Variants in TMBIM1 observed in about 807,000 individuals in gnomAD.
TMBIM1 encodes the protein protein lifeguard 3.
A neutral mutation model predicts 45.1 loss-of-function variants in TMBIM1; 34 were observed. The ratio of observed to expected loss-of-function variants is 0.75; its 90% CI spans 0.57 to 1.00. The LOEUF is 1.00. Among genes scored for constraint, TMBIM1 ranks in the 50% least tolerant of loss-of-function variants. TMBIM1 has a pLI of 0.00. For missense variants in TMBIM1, 374 were observed against 402.4 expected (o/e 0.93, Z 0.60); for synonymous variants, 157 against 153.5 (o/e 1.02, Z -0.17).
chr2:218,285,424 T>C (rs1377927179), intron 1 of TMBIM1, among the ~76,000 whole-genome samples: 1 of 152,170 alleles, frequency 6.6e-6, no homozygotes, highest in Non-Finnish European at 1.5e-5. Flanking sequence ...TCTCATGGGT[T>C]TTAGCCTCAA....
Position 218,277,005 on chromosome 2 carries a change from T to G in TMBIM1, c.734A>C (p.Tyr245Ser). ...CCCCAGCTCTCCTGGGACACTCACGTATTGGAAGTAGAGCACAATGCTAGT... is the reference window on the plus strand; with the variant it reads ...CCCCAGCTCTCCTGGGACACTCACGGATTGGAAGTAGAGCACAATGCTAGT... ...IVTSIVLYFQ[Y>S]VYWLHMLYAA... The change falls in exon 10 of 12, where the codon TAC (tyrosine) becomes TCC (serine). Residue 245 changes from tyrosine (Y) to serine (S), a missense_variant and splice_region_variant. Coordinates refer to ENST00000258412, the MANE Select transcript of TMBIM1 (RefSeq NM_022152.6). 6.2e-7 allele frequency: 1 copy of G among 1,613,358 alleles called. No homozygotes were observed. The highest frequency in any genetic ancestry group is 1.7e-5 in the Admixed American group (1 of 59,988).
At position 218,278,506 on chromosome 2, in the gene TMBIM1, G is replaced by A. The variant is rs2292551; in HGVS notation, c.473+9C>T. 0.39 allele frequency: 629,348 copies of A among 1,612,910 alleles called. 124,447 individuals carry two copies. Among genetic ancestry groups the A allele is most frequent in the Middle Eastern group, 0.49 (2,972 of 6,058 alleles). On this transcript the variant is annotated intron_variant, in intron 6 of 11. Transcript: ENST00000258412. ...ACCCCTCTCACTGTGTTAAGTCTCT[G>A]GGACTCACCTGGGTCCCTGGCAGCA...
chr2:218,288,477 G>C lies in TMBIM1; in HGVS notation c.-41+3989C>G, dbSNP rs988407017. On this transcript the variant is annotated intron_variant, in intron 1 of 11. Coordinates refer to ENST00000258412, the MANE Select transcript of TMBIM1 (RefSeq NM_022152.6). ...TAGGGAAGGAAGGGAACCACTTAGA[G>C]TAGTTGAACCACTTCCAGTACTTAC... Among the ~76,000 whole-genome samples, 5 of 152,174 alleles carry C rather than the reference G, an allele frequency of 3.3e-5. No homozygotes were observed. The East Asian group carries it at 7.7e-4, about 23-fold the overall frequency.
rs545379113 is a variant in TMBIM1 at position 218,279,425 on chromosome 2, A to G, written c.304-72T>C. 2.8e-5 allele frequency: 40 copies of G among 1,415,154 alleles called. No homozygotes were observed. The East Asian group carries it at 9.5e-4, about 34-fold the overall frequency. The allele number at this position is 1,415,154 out of a possible 1,614,324, so 87.7% of individuals were successfully genotyped here. On this transcript the variant is annotated intron_variant, in intron 3 of 11. Coordinates refer to ENST00000258412, the MANE Select transcript of TMBIM1 (RefSeq NM_022152.6). ...CTGCCCCAGGAAGCTGCCAGCCCCC[A>G]GTACTTTCCTCCCACTCAAGAACCC...
chr2:218,286,284 A>C, intron 1 of TMBIM1: 1 of 152,000 alleles, frequency 6.6e-6, no homozygotes, highest in East Asian at 1.9e-4. Context: ...TGATCCACCC[A>C]CCGAGGCCTC....
chr2:218,292,283 G>A (rs1023960646), intron 1 of TMBIM1, among the ~76,000 whole-genome samples, 183 bp downstream of exon 1: 2 of 152,098 alleles, frequency 1.3e-5, no homozygotes, highest in African/African-American at 2.4e-5. Context: ...CCCAGGGAGA[G>A]CGAAACGCCA....
In TMBIM1 at chr2:218,275,357, C is replaced by G; in HGVS notation, c.*118G>C. ...ACCTGTCTCCAGGACAGAAAGGAAA[C>G]TGGGCATGTTACTCAAGGGGAAGGA... On this transcript the variant is annotated 3_prime_UTR_variant, in exon 12 of 12. Transcript: ENST00000258412. The G allele has an allele frequency of 7.3e-7, 1 of 1,375,164 alleles. No individual in the cohort carries two copies. Among genetic ancestry groups the G allele is most frequent in the Non-Finnish European group, 9.7e-7 (1 of 1,030,512 alleles). 85.2% of individuals were successfully genotyped at this position (1,375,164 alleles called of 1,614,324 possible).
chr2:218,275,320 G>T lies in TMBIM1; in HGVS notation c.*155C>A. ...CCCACCAAGTACCCACACATCCATA[G>T]CCAGAGAGGCCACCTGTCTCCAGGA... On this transcript the variant is annotated 3_prime_UTR_variant, in exon 12 of 12. Coordinates refer to ENST00000258412, the MANE Select transcript of TMBIM1 (RefSeq NM_022152.6). The T allele has an allele frequency of 2.0e-6, 2 of 1,006,382 alleles. No homozygotes were observed. The highest frequency in any genetic ancestry group is 2.8e-6 in the Non-Finnish European group (2 of 719,398). The allele number at this position is 1,006,382 out of a possible 1,614,324, so 62.3% of individuals were successfully genotyped here. A position where few individuals can be genotyped will look rare whatever the true frequency, so the allele number is the denominator to read the frequency against.
In TMBIM1 at chr2:218,280,136, G is replaced by A; in HGVS notation, c.203-10C>T. On this transcript the variant is annotated splice_polypyrimidine_tract_variant and intron_variant, in intron 2 of 11. Coordinates refer to ENST00000258412, the MANE Select transcript of TMBIM1 (RefSeq NM_022152.6). ...TAGCCATGGCCTGGGCCTAGGGACA[G>A]ATGACACTTGACTCAGCTGGGGACC... is the stretch of plus-strand genomic sequence containing the variant. The A allele has an allele frequency of 6.2e-7, 1 of 1,600,700 alleles. No individual in the cohort carries two copies. Among genetic ancestry groups the A allele is most frequent in the Non-Finnish European group, 8.6e-7 (1 of 1,167,728 alleles).
Position 218,275,487 on chromosome 2 carries a change from C to T in TMBIM1, c.924G>A (p.Gly308=). The change falls in exon 12 of 12, where the codon GGG becomes GGA. Residue 308 remains glycine (G), a synonymous_variant. Coordinates refer to ENST00000258412, the MANE Select transcript of TMBIM1 (RefSeq NM_022152.6). ...GGGGGCTTGCTCCTTAATTGCGATC[C>T]CCCATCAGCTGCAGCACAAAGGTGA... ...YIFTFVLQLM[G]DRN is the part of the protein sequence containing the mutation. The T allele has an allele frequency of 6.2e-7, 1 of 1,613,302 alleles. No homozygotes were observed. The highest frequency in any genetic ancestry group is 8.5e-7 in the Non-Finnish European group (1 of 1,179,616).
At chr2:218,280,333 T>G in intron 2 of TMBIM1, 2 of 510,170 alleles carry the variant, frequency 3.9e-6, no homozygotes, top group Non-Finnish European at 3.6e-6. Context: ...GTGGGAAACG[T>G]TCCTCACGTG....
chr2:218,278,209 TAAAC>T, intron 6 of TMBIM1: 1 of 609,380 alleles, frequency 1.6e-6, no homozygotes. Context: ...TTGCAACTCT[TAAAC>T]TGACTGCCTG....
chr2:218,282,962 AAG>A (rs1326904681), intron 1 of TMBIM1, among the ~76,000 whole-genome samples: 3 of 152,118 alleles, frequency 2.0e-5, no homozygotes. Flanking sequence ...CTTGCTAGGG[AAG>A]AGAGAGTGAG....
intron 1 of TMBIM1, among the ~76,000 whole-genome samples, chr2:218,288,314 A>G (rs1309895066): frequency 1.3e-5 from 2 of 152,220 alleles, no homozygotes; most frequent in Non-Finnish European, 2.9e-5. Context: ...CTGTAGTCCC[A>G]GCTACTCGGG....
intron 5 of TMBIM1, 135 bp downstream of exon 5, chr2:218,278,903 G>A (rs953673859): frequency 1.4e-5 from 14 of 998,306 alleles, no homozygotes; most frequent in East Asian, 1.3e-4. Flanking sequence ...CACACCCTCT[G>A]GCACGGGAAA....
At position 218,279,356 on chromosome 2, in the gene TMBIM1, G is replaced by C. The variant is rs112762478; in HGVS notation, c.304-3C>G. The C allele has an allele frequency of 1.3e-6, 2 of 1,566,404 alleles. No homozygotes were observed. Among genetic ancestry groups the C allele is most frequent in the Non-Finnish European group, 8.6e-7 (1 of 1,157,146 alleles). ...TGCACGGAGATGATGGAGTAAACCT[G>C]GACACAGACGGCCGGGCATGGGTCA... On this transcript the variant is annotated splice_region_variant and splice_polypyrimidine_tract_variant and intron_variant, in intron 3 of 11. Transcript: ENST00000258412.
intron 11 of TMBIM1, 56 bp downstream of exon 11, chr2:218,275,970 T>C: frequency 6.4e-7 from 1 of 1,572,274 alleles, no homozygotes. Flanking sequence ...CCCCCTTCCC[T>C]AGATTCCTCC....
At chr2:218,284,713 T>C (rs1301785817) in intron 1 of TMBIM1, among the ~76,000 whole-genome samples, 1 of 152,264 alleles carries the variant, frequency 6.6e-6, no homozygotes, top group Non-Finnish European at 1.5e-5. Flanking sequence ...CAACTCACTA[T>C]GCCTCAGTTT....
At position 218,277,017 on chromosome 2, in the gene TMBIM1, A is replaced by G. The variant is rs1407069889; in HGVS notation, c.722T>C (p.Leu241Pro). The change falls in exon 10 of 12, where the codon CTC becomes CCC. Residue 241 changes from leucine to proline, a missense_variant. Leu to Pro is a moderately conservative substitution (Grantham distance 98, BLOSUM62 -3). Coordinates refer to ENST00000258412, the MANE Select transcript of TMBIM1 (RefSeq NM_022152.6). The part of the protein sequence containing the change: ...LVTGIVTSIV[L>P]YFQYVYWLHM... ...TGGGACACTCACGTATTGGAAGTAG[A>G]GCACAATGCTAGTGACAATCCCAGT... 1 of 1,614,070 alleles carries G rather than the reference A, an allele frequency of 6.2e-7. No homozygotes were observed. The highest frequency in any genetic ancestry group is 1.1e-5 in the South Asian group (1 of 91,068).
Sources: gnomAD v4.1 joint callset for allele counts (sites outside exome capture counted in the v4.1 genomes callset) on GRCh38, gnomAD v4.1.1 for gene constraint, MANE v1.5 for transcripts, NCBI Gene and HGNC (gene_info 2026-07-23, HGNC 2026-07-21) for gene names.